PDSS2: variants seen among roughly 807,000 people sequenced by gnomAD.
The protein encoded by PDSS2 is decaprenyl diphosphate synthase subunit 2.
Under a neutral mutation model 44.5 loss-of-function variants are expected in PDSS2, and 31 were observed. That is an observed-to-expected ratio of 0.70 (90% CI 0.52 to 0.94). The LOEUF (loss-of-function observed/expected upper bound fraction) is 0.94. Among genes scored for constraint, PDSS2 ranks in the 40% least tolerant of loss-of-function variants. PDSS2 has a pLI of 0.00. For missense variants in PDSS2, 452 were observed against 482.2 expected (o/e 0.94, Z 0.59); for synonymous variants, 157 against 180.3 (o/e 0.87, Z 1.03).
intron 2 of PDSS2, among the ~76,000 whole-genome samples, chr6:107,299,393 T>C (rs1157557920): frequency 1.3e-5 from 2 of 152,242 alleles, no homozygotes; most frequent in East Asian, 3.9e-4. Context: ...TAAAAAATGT[T>C]TTTAAAAATA....
rs1464720935 is a variant in PDSS2, at chr6:107,453,360, T to C, written c.296+5630A>G. On this transcript the variant is annotated intron_variant, in intron 1 of 7. Transcript: ENST00000369037. ...GGACATTGATTTCACAAATAATCCA[T>C]TTTACATTGATTTTTAAAAAATACT... Among the ~76,000 whole-genome samples the C allele has an allele frequency of 3.9e-5, 6 of 152,218 alleles. No homozygotes were observed. In the East Asian group the frequency reaches 1.2e-3, roughly 29 times the overall value.
At chr6:107,375,757 T>A (rs1332504986) in intron 1 of PDSS2, among the ~76,000 whole-genome samples, 1 of 152,224 alleles carries the variant, frequency 6.6e-6, no homozygotes, top group Admixed American at 6.5e-5. Flanking sequence ...CAATATCCTT[T>A]ATGATATCAG....
intron 6 of PDSS2, among the ~76,000 whole-genome samples, chr6:107,197,560 G>T (rs746958393): frequency 4.6e-5 from 7 of 151,664 alleles, no homozygotes; most frequent in Admixed American, 2.6e-4. Context: ...TTGCTGAAGT[G>T]ATTGCTTGCT....
At chr6:107,414,174 T>C (rs2114667543) in intron 1 of PDSS2, among the ~76,000 whole-genome samples, 1 of 152,354 alleles carries the variant, frequency 6.6e-6, no homozygotes, top group African/African-American at 2.4e-5. Context: ...GGACTTACAT[T>C]CCAGTTAGGC....
chr6:107,261,572 TTC>T (rs1485207485), intron 3 of PDSS2, among the ~76,000 whole-genome samples: 3 of 96,724 alleles, frequency 3.1e-5, no homozygotes, highest in Admixed American at 1.1e-4. Flanking sequence ...GGTATTTCTT[TTC>T]TTTCTTTTTT....
chr6:107,453,337 A>T (rs1427198177), intron 1 of PDSS2, among the ~76,000 whole-genome samples: 4 of 152,196 alleles, frequency 2.6e-5, no homozygotes, highest in Non-Finnish European at 4.4e-5. Flanking sequence ...TTTTAAGTGG[A>T]CATTGATTTC....
Position 107,429,901 on chromosome 6 carries a change from A to AATATATATAT in PDSS2, c.296+29079_296+29088dup, listed in dbSNP as rs869061691. On this transcript the variant is annotated intron_variant, in intron 1 of 7. Transcript: ENST00000369037. ...CTTAGTCTCAAAAAAAAAAAAAAAA[A>AATATATATAT]ATATATATATATATATATATATATA... 2.1e-3 allele frequency among the ~76,000 whole-genome samples: 68 copies of AATATATATAT among 31,712 alleles called. 2 individuals carry two copies. The highest frequency in any genetic ancestry group is 0.01 in the South Asian group (4 of 390). The allele number at this position is 31,712 out of a possible 152,430, so 20.8% of individuals were successfully genotyped here. A position where few individuals can be genotyped will look rare whatever the true frequency, so the allele number is the denominator to read the frequency against.
chr6:107,273,086 G>A (rs1775658268), intron 3 of PDSS2, among the ~76,000 whole-genome samples: 1 of 152,118 alleles, frequency 6.6e-6, no homozygotes. Context: ...CCGGGTTCAA[G>A]CGATTCTCCT....
chr6:107,185,815 C>T (rs904966556), intron 7 of PDSS2, among the ~76,000 whole-genome samples: 4 of 152,206 alleles, frequency 2.6e-5, no homozygotes, highest in African/African-American at 9.6e-5. Context: ...TGAAGCGGCT[C>T]TGCCTAACCT....
chr6:107,419,785 T>A (rs1266666014), intron 1 of PDSS2, among the ~76,000 whole-genome samples: 4 of 152,182 alleles, frequency 2.6e-5, no homozygotes, highest in African/African-American at 9.7e-5. Context: ...CTACTGACAG[T>A]CTTATGCATC....
intron 1 of PDSS2, among the ~76,000 whole-genome samples, chr6:107,405,973 T>G (rs1022190013): frequency 1.3e-5 from 2 of 152,202 alleles, no homozygotes; most frequent in African/African-American, 4.8e-5. Flanking sequence ...AGGTGATGGT[T>G]ATACCAAAAG....
At chr6:107,207,988 T>TGTTTTTTG (rs1554253991) in intron 6 of PDSS2, among the ~76,000 whole-genome samples, 5 of 143,822 alleles carry the variant, frequency 3.5e-5, no homozygotes, top group South Asian at 2.2e-4. Context: ...GTTTTTTTTT[T>TGTTTTTTG]TTTTTTTTTT....
chr6:107,458,412 C>CAAAAAAAAAATAAAA (rs1782121556), intron 1 of PDSS2, among the ~76,000 whole-genome samples: 1 of 78,182 alleles, frequency 1.3e-5, no homozygotes. Flanking sequence ...GACTCCGTCT[C>CAAAAAAAAAATAAAA]AAAAAAAAAA....
chr6:107,350,517 A>C (rs1292157427), intron 1 of PDSS2, among the ~76,000 whole-genome samples: 5 of 152,266 alleles, frequency 3.3e-5, no homozygotes, highest in Admixed American at 3.3e-4. Flanking sequence ...ATGATTCAAC[A>C]GTGAAAGTTT....
chr6:107,195,585 C>G (rs62428031), intron 6 of PDSS2, among the ~76,000 whole-genome samples: 44,722 of 138,026 alleles, frequency 0.32, 7,315 homozygotes, highest in East Asian at 0.51. Flanking sequence ...TTTTGAGATG[C>G]AGTCTTGCTC....
rs192808798 is a variant in PDSS2 at position 107,372,747 on chromosome 6, C to T, written c.297-38415G>A. ...GATTACAGGCGTGAGCCACTGCGCC[C>T]GGCCCTAGTATCACATAATTCTTGC... On this transcript the variant is annotated intron_variant, in intron 1 of 7. Transcript: ENST00000369037. Among the ~76,000 whole-genome samples the T allele has an allele frequency of 2.2e-4, 33 of 152,202 alleles. No homozygotes were observed. In the East Asian group the frequency reaches 2.9e-3, roughly 13 times the overall value.
At chr6:107,440,662 T>G (rs535734350) in intron 1 of PDSS2, among the ~76,000 whole-genome samples, 5 of 152,206 alleles carry the variant, frequency 3.3e-5, no homozygotes, top group Non-Finnish European at 7.4e-5. Flanking sequence ...ATGGTGCCTT[T>G]GAGCTGGAAG....
At chr6:107,167,054 A>G (rs1353605839) in intron 7 of PDSS2, among the ~76,000 whole-genome samples, 2 of 152,162 alleles carry the variant, frequency 1.3e-5, no homozygotes, top group Admixed American at 6.5e-5. Context: ...AAGGAATGGT[A>G]TCAACTCCTC....
intron 7 of PDSS2, among the ~76,000 whole-genome samples, chr6:107,176,429 TACACACAC>T (rs71012784): frequency 0.27 from 40,556 of 149,606 alleles, 6,720 homozygotes; most frequent in Non-Finnish European, 0.37. Context: ...CACACACACA[TACACACAC>T]ACACACACAC....
Sources: gnomAD v4.1 joint callset for allele counts (sites outside exome capture counted in the v4.1 genomes callset) on GRCh38, gnomAD v4.1.1 for gene constraint, MANE v1.5 for transcripts, NCBI Gene and HGNC (gene_info 2026-07-23, HGNC 2026-07-21) for gene names.